The following SPOP variants were observed in gnomAD, a reference collection of about 807,000 sequenced individuals.
SPOP encodes the protein speckle-type POZ protein.
A neutral mutation model predicts 45.6 loss-of-function variants in SPOP; 11 were observed. That is an observed-to-expected ratio of 0.24 (90% confidence interval 0.15 to 0.40). SPOP has a LOEUF of 0.40. Among genes scored for constraint, SPOP ranks in the 10% least tolerant of loss-of-function variants. The probability of loss-of-function intolerance (pLI) is 1.00; values close to 1 mark genes in which losing one functional copy is unlikely to be tolerated. For synonymous variants in SPOP, 166 were observed against 166.3 expected (o/e 1.00, Z 0.01); for missense variants, 152 against 465.6 (o/e 0.33, Z 6.20).
intron 6 of SPOP, among the ~76,000 whole-genome samples, chr17:49,610,241 C>CAG (rs781616523): frequency 4.0e-5 from 6 of 151,738 alleles, no homozygotes; most frequent in Non-Finnish European, 5.9e-5. Flanking sequence ...TCCCCCGAGA[C>CAG]AGAGTCTTGC....
intron 1 of SPOP, among the ~76,000 whole-genome samples, chr17:49,670,122 T>C (rs2073118851): frequency 6.6e-6 from 1 of 152,248 alleles, no homozygotes; most frequent in Non-Finnish European, 1.5e-5. Flanking sequence ...CAAAGCTGCA[T>C]GACCAGCTCT....
intron 1 of SPOP, among the ~76,000 whole-genome samples, chr17:49,657,643 C>G (rs540871995): frequency 6.6e-6 from 1 of 150,650 alleles, no homozygotes; most frequent in Admixed American, 6.7e-5. Context: ...ATGATCCACT[C>G]GCCTCGGCCT....
chr17:49,658,110 G>A (rs1318997564), intron 1 of SPOP, among the ~76,000 whole-genome samples: 2 of 152,148 alleles, frequency 1.3e-5, no homozygotes, highest in African/African-American at 2.4e-5. Flanking sequence ...TAGTTACTTT[G>A]AGAAGTTATT....
At chr17:49,604,109 TAAGTAC>T (rs2071790005) in intron 8 of SPOP, among the ~76,000 whole-genome samples, 1 of 152,222 alleles carries the variant, frequency 6.6e-6, no homozygotes, top group African/African-American at 2.4e-5. Flanking sequence ...ATGATGTGTA[TAAGTAC>T]AAGTGACCAC....
intron 1 of SPOP, among the ~76,000 whole-genome samples, chr17:49,657,697 T>A (rs63393761): frequency 1.6e-5 from 1 of 63,642 alleles, no homozygotes. Flanking sequence ...GCACCCGGCC[T>A]TTTTTTTTTT....
intron 1 of SPOP, among the ~76,000 whole-genome samples, chr17:49,675,480 C>T (rs1308280345): frequency 6.6e-6 from 1 of 151,976 alleles, no homozygotes; most frequent in Non-Finnish European, 1.5e-5. Context: ...AGACTGTTGC[C>T]TTTGGGAAGG....
At chr17:49,670,899 C>A (rs2073127420) in intron 1 of SPOP, among the ~76,000 whole-genome samples, 1 of 152,134 alleles carries the variant, frequency 6.6e-6, no homozygotes, top group Non-Finnish European at 1.5e-5. Context: ...CATAATCTTA[C>A]ATAACACTGT....
In SPOP at chr17:49,621,967, C is replaced by A; in HGVS notation, c.179G>T (p.Gly60Val). The change falls in exon 3 of 10, where the codon GGA (glycine) becomes GTA (valine). Residue 60 changes from glycine to valine, a missense_variant. Gly to Val is a moderately radical substitution (Grantham distance 109). Transcript: ENST00000504102. ...EVIKSSTFSSGANDKLKWCLR... is the reference protein window; with the variant it reads ...EVIKSSTFSSVANDKLKWCLR... The stretch of plus-strand genomic sequence containing the variant: ...TCACCATTTCAGTTTATCATTTGCT[C>A]CTGATGAAAATGTAGAACTTTTAAT... 1 of 1,613,848 alleles carries A rather than the reference C, an allele frequency of 6.2e-7. No individual in the cohort carries two copies. The highest frequency in any genetic ancestry group is 1.1e-5 in the South Asian group (1 of 91,028).
chr17:49,634,016 T>TA (rs1189334651), intron 1 of SPOP, among the ~76,000 whole-genome samples: 4,121 of 132,694 alleles, frequency 0.031, 112 homozygotes, highest in African/African-American at 0.077. Context: ...TCCAGCTGCT[T>TA]AAAAAAAAAA....
intron 1 of SPOP, among the ~76,000 whole-genome samples, chr17:49,641,216 T>C (rs997373929): frequency 9.9e-5 from 13 of 131,348 alleles, no homozygotes; most frequent in African/African-American, 3.4e-4. Flanking sequence ...TGAGCAGAGA[T>C]TGCATTACTG....
chr17:49,611,208 AG>A, intron 6 of SPOP, 71 bp downstream of exon 6: 1 of 1,520,330 alleles, frequency 6.6e-7, no homozygotes, highest in South Asian at 1.2e-5. Context: ...GTTGTTCAAA[AG>A]GTGATTATGC....
intron 1 of SPOP, among the ~76,000 whole-genome samples, chr17:49,665,741 T>G (rs1270084228): frequency 6.7e-6 from 1 of 149,444 alleles, no homozygotes; most frequent in East Asian, 2.0e-4. Context: ...CTCAGCACTT[T>G]GGGAGGCTGA....
intron 1 of SPOP, among the ~76,000 whole-genome samples, chr17:49,669,918 A>G (rs1352906317): frequency 1.3e-5 from 2 of 150,326 alleles, no homozygotes; most frequent in Non-Finnish European, 3.0e-5. Flanking sequence ...ATGATCACAC[A>G]TACATTTTTC....
At chr17:49,663,883 T>C (rs192794087) in intron 1 of SPOP, among the ~76,000 whole-genome samples, 6 of 152,354 alleles carry the variant, frequency 3.9e-5, no homozygotes, top group African/African-American at 1.4e-4. Flanking sequence ...GGAAAATCTG[T>C]AGCTACTTGA....
intron 1 of SPOP, among the ~76,000 whole-genome samples, chr17:49,655,984 G>C (rs1164192239): frequency 6.6e-6 from 1 of 151,946 alleles, no homozygotes; most frequent in Non-Finnish European, 1.5e-5. Context: ...CTAATTTTTT[G>C]TATTTTTAGT....
intron 1 of SPOP, among the ~76,000 whole-genome samples, chr17:49,662,548 C>T (rs1258554015): frequency 6.6e-6 from 1 of 151,844 alleles, no homozygotes. Context: ...CGGGCACCAC[C>T]ACATGGCAGG....
chr17:49,638,251 G>T (rs1169425814), intron 1 of SPOP, among the ~76,000 whole-genome samples: 1 of 152,136 alleles, frequency 6.6e-6, no homozygotes, highest in Non-Finnish European at 1.5e-5. Context: ...TCCCTTTTGT[G>T]AGAAAATAAA....
intron 8 of SPOP, among the ~76,000 whole-genome samples, chr17:49,603,122 G>A (rs894395173): frequency 1.3e-5 from 2 of 152,194 alleles, no homozygotes; most frequent in African/African-American, 4.8e-5. Flanking sequence ...CAATTTAATT[G>A]TTATGAATTC....
intron 1 of SPOP, among the ~76,000 whole-genome samples, chr17:49,658,921 C>T (rs1429840224): frequency 6.6e-6 from 1 of 152,206 alleles, no homozygotes; most frequent in Non-Finnish European, 1.5e-5. Context: ...CTCCACTTCC[C>T]AGACACCAAC....
Sources: gnomAD v4.1 joint callset for allele counts (sites outside exome capture counted in the v4.1 genomes callset) on GRCh38, gnomAD v4.1.1 for gene constraint, MANE v1.5 for transcripts, NCBI Gene and HGNC (gene_info 2026-07-23, HGNC 2026-07-21) for gene names.